Variants in DUSP22 observed in about 807,000 individuals in gnomAD.
DUSP22 encodes the protein dual specificity protein phosphatase 22.
Under a neutral mutation model 24.5 loss-of-function variants are expected in DUSP22, and 24 were observed. That is an observed-to-expected ratio of 0.98 (90% CI 0.71 to 1.38). The LOEUF (loss-of-function observed/expected upper bound fraction) is 1.38. Among genes scored for constraint, DUSP22 ranks in the 40% most tolerant of loss-of-function variants. DUSP22 has a pLI of 0.00. For missense variants in DUSP22, 330 were observed against 269.2 expected, an observed-to-expected ratio of 1.23 and a Z score of -1.58; for synonymous variants, 160 against 106.4, an observed-to-expected ratio of 1.50 and a Z score of -3.10.
At chr6:307,989 C>T (rs1462067570) in intron 2 of DUSP22, among the ~76,000 whole-genome samples, 3 of 152,308 alleles carry the variant, frequency 2.0e-5, no homozygotes, top group Admixed American at 2.0e-4. Context: ...GATAACCTTC[C>T]TGTTGGTTTT....
chr6:326,892 A>G (rs574279634), intron 3 of DUSP22, among the ~76,000 whole-genome samples: 1 of 152,424 alleles, frequency 6.6e-6, no homozygotes, highest in South Asian at 2.1e-4. Flanking sequence ...GAGAAGACAA[A>G]TGGGATGTGC....
At chr6:335,220 G>A (rs1274872649) in intron 4 of DUSP22, 57 bp downstream of exon 4, 2 of 1,591,074 alleles carry the variant, frequency 1.3e-6, no homozygotes, top group Non-Finnish European at 1.7e-6. Flanking sequence ...ATAGAGGATG[G>A]TAAAGTCAGA....
intron 3 of DUSP22, among the ~76,000 whole-genome samples, 179 bp downstream of exon 3, chr6:312,141 G>A (rs991195134): frequency 3.9e-5 from 6 of 152,306 alleles, no homozygotes; most frequent in South Asian, 2.1e-4. Context: ...AGCGTGGCGC[G>A]AGGGTGTGTG....
intron 1 of DUSP22, among the ~76,000 whole-genome samples, chr6:296,100 C>T (rs1244656982): frequency 6.6e-6 from 1 of 152,306 alleles, no homozygotes; most frequent in Non-Finnish European, 1.5e-5. Flanking sequence ...GCTTCGATTA[C>T]TTGTCAAATA....
rs776765706 is a variant in DUSP22, at chr6:348,292, G to A, written c.435+18G>A. ...TCCATCAGGTAAGCAGTTCTTAGGG[G>A]ACATCAGAGATGCAGGCAGGTGCCC... On this transcript the variant is annotated intron_variant, in intron 6 of 6. Transcript: ENST00000419235. 16 of 1,613,696 alleles carry A rather than the reference G, an allele frequency of 9.9e-6. No homozygotes were observed. The highest frequency in any genetic ancestry group is 1.6e-4 in the Middle Eastern group (1 of 6,080).
intron 3 of DUSP22, among the ~76,000 whole-genome samples, chr6:322,830 T>TGGA (rs1554100347): frequency 2.8e-3 from 52 of 18,788 alleles, no homozygotes; most frequent in African/African-American, 9.0e-3. Flanking sequence ...GGCTGCTTGG[T>TGGA]GGGGCGGGGG....
intron 4 of DUSP22, among the ~76,000 whole-genome samples, chr6:341,895 T>A (rs1258121084): frequency 6.6e-6 from 1 of 152,312 alleles, no homozygotes; most frequent in Non-Finnish European, 1.5e-5. Flanking sequence ...GGTGCCAGGC[T>A]GAGCACACTC....
intron 3 of DUSP22, among the ~76,000 whole-genome samples, chr6:327,432 T>C (rs759841631): frequency 1.2e-4 from 18 of 152,304 alleles, no homozygotes; most frequent in Non-Finnish European, 2.4e-4. Flanking sequence ...CGCATTGGGT[T>C]GGTGGCCACA....
chr6:326,521 CCGCGTCCTGG>C, intron 3 of DUSP22, among the ~76,000 whole-genome samples: 1 of 111,438 alleles, frequency 9.0e-6, no homozygotes, highest in Non-Finnish European at 2.0e-5. Flanking sequence ...CCCTGGGCTT[CCGCGTCCTGG>C]TGTGTGCAGT....
intron 1 of DUSP22, among the ~76,000 whole-genome samples, chr6:300,228 G>T (rs1052995075): frequency 3.9e-5 from 6 of 152,298 alleles, no homozygotes; most frequent in Non-Finnish European, 8.8e-5. Flanking sequence ...TAGCCATGTT[G>T]GTTGGTTGCA....
At chr6:310,410 C>T (rs1402385462) in intron 2 of DUSP22, among the ~76,000 whole-genome samples, 1 of 152,296 alleles carries the variant, frequency 6.6e-6, no homozygotes, top group African/African-American at 2.4e-5. Flanking sequence ...GGGGATCACA[C>T]CATTTGGTCT....
intron 1 of DUSP22, among the ~76,000 whole-genome samples, chr6:296,435 C>A (rs961113022): frequency 6.6e-6 from 1 of 152,302 alleles, no homozygotes; most frequent in South Asian, 2.1e-4. Flanking sequence ...CAGTCTGGCT[C>A]GGCCACAATG....
At chr6:340,530 T>A (rs1453170312) in intron 4 of DUSP22, among the ~76,000 whole-genome samples, 3 of 152,298 alleles carry the variant, frequency 2.0e-5, no homozygotes, top group Non-Finnish European at 4.4e-5. Flanking sequence ...AGCAAAAACT[T>A]TTTTTTCTAA....
At chr6:348,036 A>G (rs1759965691) in intron 5 of DUSP22, 67 bp from the exon 6 acceptor site, 5 of 1,597,300 alleles carry the variant, frequency 3.1e-6, no homozygotes, top group Non-Finnish European at 3.4e-6. Context: ...CCCGCTCCAC[A>G]TGGATTGGGC....
At chr6:296,505 G>C (rs1312412216) in intron 1 of DUSP22, among the ~76,000 whole-genome samples, 1 of 152,306 alleles carries the variant, frequency 6.6e-6, no homozygotes, top group African/African-American at 2.4e-5. Flanking sequence ...GTAAGATTAG[G>C]GTTAAACTAA....
At chr6:312,062 C>T (rs540068014) in intron 3 of DUSP22, 100 bp downstream of exon 3, 49 of 1,257,722 alleles carry the variant, frequency 3.9e-5, no homozygotes, top group African/African-American at 2.8e-4. Flanking sequence ...CCAATGCGAA[C>T]GTACTCCTGT....
At chr6:332,776 T>A (rs1461364380) in intron 3 of DUSP22, among the ~76,000 whole-genome samples, 1 of 152,288 alleles carries the variant, frequency 6.6e-6, no homozygotes, top group African/African-American at 2.4e-5. Flanking sequence ...CCTTGCCAGA[T>A]GGAAGTCGCT....
chr6:321,658 T>C (rs1011103853), intron 3 of DUSP22, among the ~76,000 whole-genome samples: 5 of 152,278 alleles, frequency 3.3e-5, no homozygotes, highest in Non-Finnish European at 7.3e-5. Flanking sequence ...ATAGTGATAG[T>C]TTTTGTGAGA....
intron 1 of DUSP22, among the ~76,000 whole-genome samples, chr6:298,682 A>G (rs1284493502): frequency 5.9e-5 from 9 of 152,296 alleles, no homozygotes; most frequent in Non-Finnish European, 7.3e-5. Context: ...GATTCTGCCT[A>G]TATTGTCTAT....
Sources: allele counts gnomAD v4.1 joint callset (sites outside exome capture counted in the v4.1 genomes callset), GRCh38; gene constraint gnomAD v4.1.1; transcripts MANE v1.5; gene names NCBI Gene and HGNC (gene_info 2026-07-23, HGNC 2026-07-21).